The following EXOC4 variants were observed in gnomAD, a reference collection of about 807,000 sequenced individuals.
EXOC4 encodes SEC8-like 1.
EXOC4 carries 71 observed loss-of-function variants against 107.2 expected under a neutral mutation model. The ratio of observed to expected loss-of-function variants is 0.66; its 90% CI spans 0.55 to 0.81. The LOEUF is 0.81. Ranked by LOEUF, EXOC4 falls within the 30% of genes least tolerant of loss-of-function variation. EXOC4 has a pLI of 0.00. For missense variants in EXOC4, 1,108 were observed against 1,189.6 expected (o/e 0.93, Z 1.01); for synonymous variants, 456 against 441.2 (o/e 1.03, Z -0.42).
At chr7:133,907,217 A>C (rs1311415094) in intron 12 of EXOC4, among the ~76,000 whole-genome samples, 3 of 152,152 alleles carry the variant, frequency 2.0e-5, no homozygotes, top group Non-Finnish European at 4.4e-5. Context: ...AAATATACAC[A>C]ATATCTGTTT....
At chr7:133,902,208 T>C (rs575836930) in intron 12 of EXOC4, among the ~76,000 whole-genome samples, 2 of 152,388 alleles carry the variant, frequency 1.3e-5, no homozygotes, top group Non-Finnish European at 2.9e-5. Context: ...CCAGGCATTT[T>C]CTCCTGTGTG....
chr7:133,256,472 T>C (rs1562990618), intron 1 of EXOC4, among the ~76,000 whole-genome samples: 1 of 152,256 alleles, frequency 6.6e-6, no homozygotes, highest in African/African-American at 2.4e-5. Flanking sequence ...GGGTACCTGC[T>C]AGCTCCTTTC....
chr7:133,506,561 A>G (rs1799669499), intron 9 of EXOC4, among the ~76,000 whole-genome samples: 1 of 152,140 alleles, frequency 6.6e-6, no homozygotes. Context: ...ACTTTTATGA[A>G]CATCTGTGAT....
At chr7:133,729,026 G>A (rs1795272530) in intron 10 of EXOC4, among the ~76,000 whole-genome samples, 1 of 152,150 alleles carries the variant, frequency 6.6e-6, no homozygotes, top group Non-Finnish European at 1.5e-5. Context: ...TATGGAAATA[G>A]TCTAATCTCT....
intron 17 of EXOC4, among the ~76,000 whole-genome samples, chr7:134,057,792 G>T (rs1795965745): frequency 6.6e-6 from 1 of 152,142 alleles, no homozygotes; most frequent in Non-Finnish European, 1.5e-5. Context: ...ACGCTGTAAA[G>T]GTTTAAAATC....
chr7:133,773,520 G>A (rs1462693675), intron 10 of EXOC4, among the ~76,000 whole-genome samples: 2 of 149,396 alleles, frequency 1.3e-5, no homozygotes, highest in Non-Finnish European at 2.9e-5. Flanking sequence ...CTGGACAATT[G>A]TGAAAAACAG....
chr7:133,537,299 C>T (rs112675619), intron 9 of EXOC4, among the ~76,000 whole-genome samples: 1,777 of 147,908 alleles, frequency 0.012, 59 homozygotes, highest in African/African-American at 0.042. Context: ...TACAGGCACC[C>T]CCCCCCCCAC....
At chr7:133,368,278 G>A (rs545451617) in intron 6 of EXOC4, among the ~76,000 whole-genome samples, 3 of 152,300 alleles carry the variant, frequency 2.0e-5, no homozygotes, top group African/African-American at 7.2e-5. Flanking sequence ...TTACTCTGTG[G>A]ATTAGGCCTC....
chr7:133,481,283 G>A (rs1799151414), intron 9 of EXOC4, among the ~76,000 whole-genome samples: 1 of 152,104 alleles, frequency 6.6e-6, no homozygotes, highest in African/African-American at 2.4e-5. Flanking sequence ...TAACAACTGA[G>A]TGGGTGGTAT....
intron 12 of EXOC4, among the ~76,000 whole-genome samples, chr7:133,914,689 G>T (rs1799767293): frequency 6.6e-6 from 1 of 152,100 alleles, no homozygotes; most frequent in Non-Finnish European, 1.5e-5. Context: ...GTAACTCATA[G>T]GACCCAGAAG....
chr7:133,489,219 G>A (rs1049448076), intron 9 of EXOC4, among the ~76,000 whole-genome samples: 4 of 151,982 alleles, frequency 2.6e-5, no homozygotes, highest in South Asian at 2.1e-4. Context: ...AGAGGATCTC[G>A]TGGGGATTCA....
chr7:133,601,563 C>T (rs1801807691), intron 9 of EXOC4, among the ~76,000 whole-genome samples: 1 of 152,168 alleles, frequency 6.6e-6, no homozygotes, highest in Non-Finnish European at 1.5e-5. Context: ...CCTCTCCCTC[C>T]CCATCTTCAT....
At chr7:134,007,170 AT>A (rs1346020118) in intron 16 of EXOC4, among the ~76,000 whole-genome samples, 2 of 152,194 alleles carry the variant, frequency 1.3e-5, no homozygotes, top group Non-Finnish European at 2.9e-5. Context: ...GTTGAAATAT[AT>A]TAACATTATT....
At chr7:134,013,469 G>A (rs1031358043) in intron 17 of EXOC4, among the ~76,000 whole-genome samples, 1 of 152,160 alleles carries the variant, frequency 6.6e-6, no homozygotes, top group South Asian at 2.1e-4. Context: ...TTGACCTCCT[G>A]GATGGGGTCC....
At chr7:133,917,362 C>T (rs995938813) in intron 12 of EXOC4, among the ~76,000 whole-genome samples, 13 of 152,136 alleles carry the variant, frequency 8.5e-5, no homozygotes, top group African/African-American at 2.4e-4. Context: ...TCAACTGTCA[C>T]GATTACTCAA....
chr7:133,858,620 C>A (rs1033919331), intron 11 of EXOC4, among the ~76,000 whole-genome samples: 1 of 152,110 alleles, frequency 6.6e-6, no homozygotes, highest in African/African-American at 2.4e-5. Context: ...TAATAACCTA[C>A]GACTAAACAG....
At chr7:133,659,422 C>T (rs1803385391) in intron 10 of EXOC4, among the ~76,000 whole-genome samples, 1 of 152,096 alleles carries the variant, frequency 6.6e-6, no homozygotes, top group Non-Finnish European at 1.5e-5. Context: ...GCTCTAAGGG[C>T]CTTGTCCCAT....
At chr7:133,404,872 C>A (rs1478479759) in intron 7 of EXOC4, among the ~76,000 whole-genome samples, 3 of 17,072 alleles carry the variant, frequency 1.8e-4, no homozygotes, top group Admixed American at 7.5e-4. Flanking sequence ...ACCCCCTGCG[C>A]CCCCCCCCCC....
rs75924380 is a variant in EXOC4, at chr7:133,467,670, G to A, written c.1183-7658G>A. 2.9e-3 allele frequency among the ~76,000 whole-genome samples: 422 copies of A among 146,852 alleles called. 18 individuals carry two copies. In the East Asian group the frequency reaches 0.062, roughly 22 times the overall value. ...ACCTCTTGTTGGTCATTTTAATGTC[G>A]CCTGAAATATTCGTTATTTACTGAA... On this transcript the variant is annotated intron_variant, in intron 7 of 17. Coordinates refer to ENST00000253861, the MANE Select transcript of EXOC4 (RefSeq NM_021807.4).
Sources: gnomAD v4.1 joint callset for allele counts (sites outside exome capture counted in the v4.1 genomes callset) on GRCh38, gnomAD v4.1.1 for gene constraint, MANE v1.5 for transcripts, NCBI Gene and HGNC (gene_info 2026-07-23, HGNC 2026-07-21) for gene names.